The following TUSC3 variants were observed in gnomAD, a reference collection of about 807,000 sequenced individuals.
TUSC3 encodes dolichyl-diphosphooligosaccharide--protein glycosyltransferase subunit TUSC3.
TUSC3 carries 45 observed loss-of-function variants against 44.8 expected under a neutral mutation model. That is an observed-to-expected ratio of 1.00 (90% CI 0.79 to 1.29). TUSC3 has a LOEUF of 1.29. Among genes scored for constraint, TUSC3 ranks in the 50% most tolerant of loss-of-function variants. The pLI, the probability that TUSC3 is intolerant of heterozygous loss-of-function variation, is 0.00. For synonymous variants in TUSC3, 212 were observed against 152.9 expected (o/e 1.39, Z -2.85); for missense variants, 519 against 437.9 (o/e 1.19, Z -1.65).
At chr8:15,589,156 C>A (rs568519255) in intron 1 of TUSC3, among the ~76,000 whole-genome samples, 1 of 152,188 alleles carries the variant, frequency 6.6e-6, no homozygotes, top group East Asian at 1.9e-4. Flanking sequence ...TTTCCATTTA[C>A]GTGGGATATA....
chr8:15,551,575 A>G (rs1802061487), intron 1 of TUSC3, among the ~76,000 whole-genome samples: 2 of 151,750 alleles, frequency 1.3e-5, no homozygotes, highest in Non-Finnish European at 2.9e-5. Context: ...TGTTTCAAAT[A>G]CCTAATCTAC....
chr8:15,530,959 A>C (rs1056793333), intron 2 of TUSC3, among the ~76,000 whole-genome samples: 3 of 152,134 alleles, frequency 2.0e-5, no homozygotes, highest in African/African-American at 4.8e-5. Flanking sequence ...ACCCCAGAAA[A>C]CACTGCTTCA....
chr8:15,518,257 C>G (rs918883892), intron 2 of TUSC3, among the ~76,000 whole-genome samples: 5 of 152,030 alleles, frequency 3.3e-5, no homozygotes, highest in Admixed American at 2.0e-4. Flanking sequence ...ATGTAAAATA[C>G]CGTATCTTTT....
At chr8:15,830,416 A>G in the TUSC3 span, among the ~76,000 whole-genome samples, 2 of 152,140 alleles carry the variant, frequency 1.3e-5, no homozygotes, top group African/African-American at 4.8e-5. Flanking sequence ...TTATAGTTTC[A>G]GATCTTACAT....
intron 10 of TUSC3, among the ~76,000 whole-genome samples, chr8:15,762,313 T>G (rs934600005): frequency 6.6e-6 from 1 of 152,090 alleles, no homozygotes; most frequent in East Asian, 1.9e-4. Context: ...TAACAAGTAA[T>G]CAGTTTCAGA....
chr8:15,488,792 T>C (rs1800768562), intron 2 of TUSC3, among the ~76,000 whole-genome samples: 1 of 152,164 alleles, frequency 6.6e-6, no homozygotes, highest in South Asian at 2.1e-4. Flanking sequence ...AATCTGACGG[T>C]GCCTTGATCT....
intron 1 of TUSC3, among the ~76,000 whole-genome samples, chr8:15,428,431 C>A (rs879071191): frequency 2.6e-5 from 4 of 151,538 alleles, no homozygotes; most frequent in Non-Finnish European, 4.4e-5. Context: ...AATAAACATA[C>A]GTGTGCATGT....
chr8:15,755,814 T>G (rs1811905558), intron 9 of TUSC3, among the ~76,000 whole-genome samples: 1 of 152,182 alleles, frequency 6.6e-6, no homozygotes, highest in South Asian at 2.1e-4. Context: ...TCATTTTATA[T>G]ATTACATGAA....
At chr8:15,850,059 G>C in the TUSC3 span, among the ~76,000 whole-genome samples, 6 of 150,902 alleles carry the variant, frequency 4.0e-5, no homozygotes, top group African/African-American at 1.2e-4. Flanking sequence ...TGCTATCTTG[G>C]TCCAATTGTA....
At chr8:15,813,858 T>C in the TUSC3 span, among the ~76,000 whole-genome samples, 1 of 152,100 alleles carries the variant, frequency 6.6e-6, no homozygotes, top group Non-Finnish European at 1.5e-5. Context: ...TGGGATGAAG[T>C]GGTGAAGATC....
chr8:15,550,716 G>C (rs940655292), intron 1 of TUSC3, among the ~76,000 whole-genome samples: 1 of 151,368 alleles, frequency 6.6e-6, no homozygotes, highest in African/African-American at 2.4e-5. Context: ...CTGTCACCCA[G>C]GTTGGAGTGC....
At chr8:15,796,946 A>G in the TUSC3 span, among the ~76,000 whole-genome samples, 1 of 152,144 alleles carries the variant, frequency 6.6e-6, no homozygotes, top group Non-Finnish European at 1.5e-5. Flanking sequence ...GCTGCTTTAT[A>G]AAGGGCGTTA....
At chr8:15,829,345 A>T in the TUSC3 span, among the ~76,000 whole-genome samples, 1 of 152,188 alleles carries the variant, frequency 6.6e-6, no homozygotes, top group African/African-American at 2.4e-5. Flanking sequence ...TAGTTTTGAA[A>T]CATACTGTCA....
At chr8:15,653,537 T>A (rs1807012645) in intron 3 of TUSC3, among the ~76,000 whole-genome samples, 1 of 152,218 alleles carries the variant, frequency 6.6e-6, no homozygotes, top group South Asian at 2.1e-4. Flanking sequence ...TGAAGTCAGT[T>A]GTTTTTAATT....
chr8:15,641,107 T>C (rs1477331737), intron 2 of TUSC3, among the ~76,000 whole-genome samples: 1 of 152,072 alleles, frequency 6.6e-6, no homozygotes, highest in Non-Finnish European at 1.5e-5. Flanking sequence ...ACACCTGTAA[T>C]CCCAGCACTT....
intron 1 of TUSC3, among the ~76,000 whole-genome samples, chr8:15,424,147 C>T (rs747781855): frequency 2.0e-5 from 3 of 151,796 alleles, no homozygotes; most frequent in Non-Finnish European, 2.9e-5. Flanking sequence ...CACGCCACCA[C>T]TCAGCAAAGT....
At chr8:15,658,145 G>T (rs1270759430) in intron 3 of TUSC3, among the ~76,000 whole-genome samples, 3 of 152,128 alleles carry the variant, frequency 2.0e-5, no homozygotes, top group African/African-American at 7.2e-5. Flanking sequence ...AGCAAACATG[G>T]ACCAACTCTT....
chr8:15,851,980 T>G, the TUSC3 span, among the ~76,000 whole-genome samples: 11 of 152,302 alleles, frequency 7.2e-5, no homozygotes, highest in Admixed American at 2.0e-4. Context: ...ATCTCATTTT[T>G]TCTCTTGTCT....
chr8:15,441,385 T>A (rs1335683423), intron 1 of TUSC3, among the ~76,000 whole-genome samples: 2 of 152,088 alleles, frequency 1.3e-5, no homozygotes, highest in African/African-American at 4.8e-5. Context: ...CCAGGCTGGG[T>A]GAGACAGCGA....
Sources: allele counts gnomAD v4.1 joint callset (sites outside exome capture counted in the v4.1 genomes callset), GRCh38; gene constraint gnomAD v4.1.1; transcripts MANE v1.5; gene names NCBI Gene and HGNC (gene_info 2026-07-23, HGNC 2026-07-21).